ERP29: variants seen among roughly 807,000 people sequenced by gnomAD.
The protein encoded by ERP29 is endoplasmic reticulum resident protein 29.
ERP29 carries 14 observed loss-of-function variants against 21.7 expected under a neutral mutation model. The ratio of observed to expected loss-of-function variants is 0.64; its 90% confidence interval spans 0.43 to 1.01. The LOEUF (loss-of-function observed/expected upper bound fraction) is 1.01, where lower values mean the gene tolerates loss of function less well. Ranked by LOEUF, ERP29 falls within the 50% of genes least tolerant of loss-of-function variation. The pLI, the probability that ERP29 is intolerant of heterozygous loss-of-function variation, is 0.00. For missense variants in ERP29, 286 were observed against 327.3 expected (o/e 0.87, Z 0.97); for synonymous variants, 129 against 139.1 (o/e 0.93, Z 0.51).
In ERP29 at chr12:112,022,164, C is replaced by G; in HGVS notation, c.298C>G (p.Leu100Val). 6.2e-7 allele frequency: 1 copy of G among 1,614,082 alleles called. No homozygotes were observed. The highest frequency in any genetic ancestry group is 8.5e-7 in the Non-Finnish European group (1 of 1,180,000). ...TCTGCTCACAGATTATGGTGACAAG[C>G]TGAACATGGAGCTGAGTGAGAAATA... The part of the protein sequence containing the change: ...EVGISDYGDK[L>V]NMELSEKYKL... The change falls in exon 3 of 3, where the codon CTG becomes GTG. Residue 100 changes from leucine (L) to valine (V), a missense_variant. Coordinates refer to ENST00000261735, the MANE Select transcript of ERP29 (RefSeq NM_006817.4).
intron 1 of ERP29, among the ~76,000 whole-genome samples, chr12:112,016,072 A>T (rs553206137): frequency 1.3e-5 from 2 of 152,328 alleles, no homozygotes; most frequent in East Asian, 1.9e-4. Flanking sequence ...CTGATTTTTT[A>T]AAAATCTATT....
chr12:112,022,931 C>T lies in ERP29; in HGVS notation c.*279C>T. On this transcript the variant is annotated 3_prime_UTR_variant, in exon 3 of 3. Transcript: ENST00000261735. The stretch of plus-strand genomic sequence containing the variant: ...AGAGAGGAGAGAGGAGTGTACTGCC[C>T]AGGTCTTTGACAGATGTAATTCTCA... 2.7e-6 allele frequency: 1 copy of T among 371,034 alleles called. No homozygotes were observed. The highest frequency in any genetic ancestry group is 4.9e-6 in the Non-Finnish European group (1 of 205,132). 23.0% of individuals were successfully genotyped at this position (371,034 alleles called of 1,614,324 possible). A position where few individuals can be genotyped will look rare whatever the true frequency, so the allele number is the denominator to read the frequency against.
intron 2 of ERP29, among the ~76,000 whole-genome samples, chr12:112,020,951 A>C (rs775718327): frequency 6.6e-6 from 1 of 152,218 alleles, no homozygotes; most frequent in Admixed American, 6.5e-5. Flanking sequence ...AACCCTAGGC[A>C]TCCAGTACTA....
At position 112,022,482 on chromosome 12, in the gene ERP29, A is replaced by G; in HGVS notation, c.616A>G (p.Met206Val). Residue 206 changes from methionine to valine, a missense_variant, in exon 3 of 3, where the codon ATG becomes GTG. Coordinates refer to ENST00000261735, the MANE Select transcript of ERP29 (RefSeq NM_006817.4). ...KKWAEQYLKI[M>V]GKILDQGEDF... ...GTGGGCCGAGCAATACCTGAAGATC[A>G]TGGGGAAGATCTTAGACCAAGGGGA... The G allele has an allele frequency of 1.2e-6, 2 of 1,614,108 alleles. No homozygotes were observed. Among genetic ancestry groups the G allele is most frequent in the Non-Finnish European group, 1.7e-6 (2 of 1,179,918 alleles).
chr12:112,014,376 T>C (rs2077982010), intron 1 of ERP29, among the ~76,000 whole-genome samples: 2 of 152,228 alleles, frequency 1.3e-5, no homozygotes, highest in African/African-American at 4.8e-5. Context: ...TATCAGAATC[T>C]AATGCCTGAT....
intron 1 of ERP29, among the ~76,000 whole-genome samples, chr12:112,017,365 G>A (rs79398769): frequency 0.015 from 2,213 of 152,300 alleles, 61 homozygotes; most frequent in African/African-American, 0.05. Flanking sequence ...GGTAATGATA[G>A]CAGGGTATGA....
At chr12:112,017,513 G>T (rs2078018710) in intron 1 of ERP29, among the ~76,000 whole-genome samples, 1 of 152,142 alleles carries the variant, frequency 6.6e-6, no homozygotes, top group Non-Finnish European at 1.5e-5. Flanking sequence ...GAGAGCAAAT[G>T]AAAAAGCTCT....
intron 1 of ERP29, among the ~76,000 whole-genome samples, chr12:112,017,651 A>C (rs2078019471): frequency 1.3e-5 from 2 of 152,190 alleles, no homozygotes; most frequent in Non-Finnish European, 2.9e-5. Context: ...TGGCATTTAA[A>C]GATGACTTGT....
chr12:112,013,775 G>A (rs76126508), intron 1 of ERP29, among the ~76,000 whole-genome samples, 166 bp downstream of exon 1: 6 of 152,360 alleles, frequency 3.9e-5, no homozygotes, highest in African/African-American at 1.4e-4. Flanking sequence ...AGCGGAGAAT[G>A]TTATGACCAC....
At chr12:112,020,336 C>T (rs777352556) in intron 2 of ERP29, among the ~76,000 whole-genome samples, 3 of 152,184 alleles carry the variant, frequency 2.0e-5, no homozygotes, top group African/African-American at 4.8e-5. Flanking sequence ...TCCAAGGGCA[C>T]CTCCCAACCA....
rs747131827 is a variant in ERP29 at position 112,022,556 on chromosome 12, G to C, written c.690G>C (p.Lys230Asn). The change falls in exon 3 of 3, where the codon AAG becomes AAC. Residue 230 changes from lysine to asparagine, a missense_variant. Lys to Asn is a moderately conservative substitution (Grantham distance 94, BLOSUM62 0). Coordinates refer to ENST00000261735, the MANE Select transcript of ERP29 (RefSeq NM_006817.4). ...EMTRIARLIE[K>N]NKMSDGKKEE... is the part of the protein sequence containing the mutation. ...CACGGATCGCCAGGCTGATTGAGAAGAACAAGATGAGTGACGGGAAGAAGG... is the reference window on the plus strand; with the variant it reads ...CACGGATCGCCAGGCTGATTGAGAACAACAAGATGAGTGACGGGAAGAAGG... 1 of 1,614,174 alleles carries C rather than the reference G, an allele frequency of 6.2e-7. No homozygotes were observed. The highest frequency in any genetic ancestry group is 1.7e-5 in the Admixed American group (1 of 60,028).
At position 112,020,249 on chromosome 12, in the gene ERP29, TTC is replaced by T. The variant is rs879044182; in HGVS notation, c.283+357_283+358del. ...CCCTAGGGGACAGCATAGTCAGTTC[TTC>T]TGTCTTCATTTCAGTTTATGTACCA... On this transcript the variant is annotated intron_variant, in intron 2 of 2. Coordinates refer to ENST00000261735, the MANE Select transcript of ERP29 (RefSeq NM_006817.4). Among the ~76,000 whole-genome samples, 7 of 152,268 alleles carry T rather than the reference TTC, an allele frequency of 4.6e-5. No homozygotes were observed. In the South Asian group the frequency reaches 1.5e-3, roughly 32 times the overall value.
intron 2 of ERP29, among the ~76,000 whole-genome samples, chr12:112,020,372 C>T (rs1326237026): frequency 1.3e-5 from 2 of 152,136 alleles, no homozygotes; most frequent in Admixed American, 6.5e-5. Context: ...TAGTCACCAG[C>T]ATTTAGTGGC....
intron 1 of ERP29, among the ~76,000 whole-genome samples, chr12:112,015,951 C>T (rs941462507): frequency 2.6e-5 from 4 of 152,224 alleles, no homozygotes; most frequent in Admixed American, 1.3e-4. Flanking sequence ...TCTCATCATT[C>T]GGGCTTAGGT....
In ERP29 at chr12:112,017,726, G is replaced by A. The variant is rs561934924; in HGVS notation, c.145-2030G>A. On this transcript the variant is annotated intron_variant, in intron 1 of 2. Coordinates refer to ENST00000261735, the MANE Select transcript of ERP29 (RefSeq NM_006817.4). ...TGTTAAATATTTTTAAAAACCAAGA[G>A]GACATCAGTACACTGTAAAGGACAA... 4.4e-4 allele frequency among the ~76,000 whole-genome samples: 67 copies of A among 151,734 alleles called. 1 individual carries two copies. Among genetic ancestry groups the A allele is most frequent in the Non-Finnish European group, 2.8e-4 (19 of 67,948 alleles).
At position 112,013,621 on chromosome 12, in the gene ERP29, G is replaced by C; in HGVS notation, c.144+12G>C. The C allele has an allele frequency of 6.5e-7, 1 of 1,539,890 alleles. No homozygotes were observed. Among genetic ancestry groups the C allele is most frequent in the Non-Finnish European group, 8.7e-7 (1 of 1,145,268 alleles). ...TCACTTTCTACAAGGTAACCGGGGC[G>C]GGGGACGTCGCGCGCAGGTGCCGCC... is the stretch of plus-strand genomic sequence containing the variant. On this transcript the variant is annotated intron_variant, in intron 1 of 2. Coordinates refer to ENST00000261735, the MANE Select transcript of ERP29 (RefSeq NM_006817.4).
Position 112,023,387 on chromosome 12 carries a change from AATCACT to A in ERP29, c.*743_*748del, listed in dbSNP as rs1343428662. 1 of 152,242 alleles carries A rather than the reference AATCACT, an allele frequency of 6.6e-6. No individual in the cohort carries two copies. The highest frequency in any genetic ancestry group is 1.5e-5 in the Non-Finnish European group (1 of 68,048). 9.4% of individuals were successfully genotyped at this position (152,242 alleles called of 1,614,324 possible). A position where few individuals can be genotyped will look rare whatever the true frequency, so the allele number is the denominator to read the frequency against. The stretch of plus-strand genomic sequence containing the variant: ...AAAATTAAAAAATATTTTCCATCTA[AATCACT>A]ATCACTAAATAAATACTAACTTCTA... On this transcript the variant is annotated 3_prime_UTR_variant, in exon 3 of 3. Coordinates refer to ENST00000261735, the MANE Select transcript of ERP29 (RefSeq NM_006817.4).
At chr12:112,019,707 C>T in intron 1 of ERP29, 49 bp from the exon 2 acceptor site, 1 of 1,612,824 alleles carries the variant, frequency 6.2e-7, no homozygotes, top group South Asian at 1.1e-5. Context: ...GGGGAATTAG[C>T]CCCAAAAGTC....
In ERP29 at chr12:112,019,813, G is replaced by A; in HGVS notation, c.202G>A (p.Glu68Lys). 3.1e-6 allele frequency: 5 copies of A among 1,614,096 alleles called. No homozygotes were observed. The highest frequency in any genetic ancestry group is 4.2e-6 in the Non-Finnish European group (5 of 1,180,002). Reference protein sequence around the residue: ...VKFDTQYPYGEKQDEFKRLAE... With the variant: ...VKFDTQYPYGKKQDEFKRLAE... ...GTTCGACACCCAGTACCCCTACGGT[G>A]AGAAGCAGGATGAGTTCAAGCGTCT... The change falls in exon 2 of 3, where the codon GAG becomes AAG. Residue 68 changes from glutamate to lysine, a missense_variant. Physicochemically the swap from Glu to Lys is moderately conservative, Grantham distance 56. Transcript: ENST00000261735.
Sources: gnomAD v4.1 joint callset for allele counts (sites outside exome capture counted in the v4.1 genomes callset) on GRCh38, gnomAD v4.1.1 for gene constraint, MANE v1.5 for transcripts, NCBI Gene and HGNC (gene_info 2026-07-23, HGNC 2026-07-21) for gene names.